TRAPPC14: variants seen among roughly 807,000 people sequenced by gnomAD.
TRAPPC14 encodes microtubule associated protein 11.
A neutral mutation model predicts 56.6 loss-of-function variants in TRAPPC14; 24 were observed. The ratio of observed to expected loss-of-function variants is 0.42; its 90% confidence interval spans 0.31 to 0.60. The LOEUF (loss-of-function observed/expected upper bound fraction) is 0.60, where lower values mean the gene tolerates loss of function less well. Among genes scored for constraint, TRAPPC14 ranks in the 20% least tolerant of loss-of-function variants. The probability of loss-of-function intolerance (pLI) is 0.14; values close to 1 mark genes in which losing one functional copy is unlikely to be tolerated. For synonymous variants in TRAPPC14, 377 were observed against 347.0 expected, an observed-to-expected ratio of 1.09 and a Z score of -0.96; for missense variants, 615 against 790.3, an observed-to-expected ratio of 0.78 and a Z score of 2.66.
Position 100,155,377 on chromosome 7 carries a change from G to A in TRAPPC14, c.1474C>T (p.Arg492Cys), listed in dbSNP as rs973059328. The change falls in exon 10 of 11, where the codon CGC (arginine) becomes TGC (cysteine). Residue 492 changes from arginine to cysteine, a missense_variant. Arg to Cys is a radical substitution (Grantham distance 180, BLOSUM62 -3). Coordinates refer to ENST00000316937, the MANE Select transcript of TRAPPC14 (RefSeq NM_018275.5). The stretch of plus-strand genomic sequence containing the variant: ...GCAGGGCTGCTGGGGCTGCTCTTGC[G>A]GGAGAGGGGCCGGGCCTCGGGTGGA... The part of the protein sequence containing the change: ...HPPPEARPLS[R>C]KSSPSSPAVR... 25 of 1,549,688 alleles carry A rather than the reference G, an allele frequency of 1.6e-5. No homozygotes were observed. Among genetic ancestry groups the A allele is most frequent in the Non-Finnish European group, 2.1e-5 (24 of 1,146,882 alleles).
chr7:100,155,619 A>C, intron 9 of TRAPPC14, 52 bp downstream of exon 9: 1 of 1,533,166 alleles, frequency 6.5e-7, no homozygotes, highest in South Asian at 1.3e-5. Context: ...GCCTCCGTCC[A>C]CCCCAGCATT....
chr7:100,155,882 C>T, intron 8 of TRAPPC14, 57 bp from the exon 9 acceptor site: 1 of 1,606,328 alleles, frequency 6.2e-7, no homozygotes. Flanking sequence ...CCCACAGGGC[C>T]TTCGCCAGCA....
At position 100,156,537 on chromosome 7, in the gene TRAPPC14, G is replaced by A; in HGVS notation, c.1089C>T (p.Val363=). 1 of 1,614,170 alleles carries A rather than the reference G, an allele frequency of 6.2e-7. No individual in the cohort carries two copies. The highest frequency in any genetic ancestry group is 8.5e-7 in the Non-Finnish European group (1 of 1,180,022). ...TCACAAAACACGGGCGGTCCAAGCGGACACTGGGCAGGCTAGGAGTGGTGA... is the reference window on the plus strand; with the variant it reads ...TCACAAAACACGGGCGGTCCAAGCGAACACTGGGCAGGCTAGGAGTGGTGA... ...SIYTHYRLPS[V]RLDRPCFVMT... is the part of the protein sequence containing the mutation. The change falls in exon 8 of 11, where the codon GTC becomes GTT. Residue 363 remains valine, a synonymous_variant. Coordinates refer to ENST00000316937, the MANE Select transcript of TRAPPC14 (RefSeq NM_018275.5).
In TRAPPC14 at chr7:100,154,525, G is replaced by C. The variant is rs1798829067; in HGVS notation, c.*486C>G. 1 of 186,932 alleles carries C rather than the reference G, an allele frequency of 5.3e-6. No homozygotes were observed. The highest frequency in any genetic ancestry group is 1.1e-5 in the Non-Finnish European group (1 of 88,500). 11.6% of individuals were successfully genotyped at this position (186,932 alleles called of 1,614,324 possible). ...AAAAAAAAAAAATTAAAGTGCTTCA[G>C]GCTGCAAACGTAAACATAAGGGGCA... On this transcript the variant is annotated 3_prime_UTR_variant, in exon 11 of 11. Transcript: ENST00000316937.
chr7:100,156,910 G>T lies in TRAPPC14; in HGVS notation c.928C>A (p.Leu310Met). The T allele has an allele frequency of 6.2e-7, 1 of 1,614,122 alleles. No homozygotes were observed. The highest frequency in any genetic ancestry group is 8.5e-7 in the Non-Finnish European group (1 of 1,180,042). ...TGAAACAGGAAGTTGTGTTCCTCCAGGGCATTCAGCGGGCAGGGGAAGCAG... is the reference window on the plus strand; with the variant it reads ...TGAAACAGGAAGTTGTGTTCCTCCATGGCATTCAGCGGGCAGGGGAAGCAG... ...SGCFPCPLNA[L>M]EEHNFLFQLR... is the part of the protein sequence containing the mutation. The change falls in exon 6 of 11, where the codon CTG (leucine) becomes ATG (methionine). Residue 310 changes from leucine to methionine, a missense_variant. Leu to Met is a conservative substitution (Grantham distance 15, BLOSUM62 2). Transcript: ENST00000316937.
chr7:100,155,216 C>T, intron 10 of TRAPPC14, 46 bp downstream of exon 10: 3 of 1,601,648 alleles, frequency 1.9e-6, no homozygotes, highest in Admixed American at 1.7e-5. Flanking sequence ...ACCCTCGCTG[C>T]TCCCATCCTC....
rs1798869678 is a variant in TRAPPC14, at chr7:100,155,921, T to C, written c.1241-96A>G. On this transcript the variant is annotated intron_variant, in intron 8 of 10. Transcript: ENST00000316937. ...TCTCATCTGATTCTCAAAGCCACTC[T>C]GTGGAGTAAACTGAGCAAACGTTAT... 11 of 1,493,588 alleles carry C rather than the reference T, an allele frequency of 7.4e-6. No homozygotes were observed. In the East Asian group the frequency reaches 2.3e-4, roughly 31 times the overall value. The allele number at this position is 1,493,588 out of a possible 1,614,324, so 92.5% of individuals were successfully genotyped here.
rs913455933 is a variant in TRAPPC14, at chr7:100,154,556, C to G, written c.*455G>C. 7 of 202,782 alleles carry G rather than the reference C, an allele frequency of 3.5e-5. No individual in the cohort carries two copies. Among genetic ancestry groups the G allele is most frequent in the African/African-American group, 1.4e-4 (6 of 42,226 alleles). The allele number at this position is 202,782 out of a possible 1,614,324, so 12.6% of individuals were successfully genotyped here. ...AAACGTAAACATAAGGGGCAGGAGG[C>G]TACCTGGCCCTGTCCCCAACCCCTG... On this transcript the variant is annotated 3_prime_UTR_variant, in exon 11 of 11. Coordinates refer to ENST00000316937, the MANE Select transcript of TRAPPC14 (RefSeq NM_018275.5).
At chr7:100,156,788 CT>C in intron 6 of TRAPPC14, 56 bp downstream of exon 6, 1 of 1,604,366 alleles carries the variant, frequency 6.2e-7, no homozygotes. Context: ...GCTGCCTGGT[CT>C]TTCCCTCCCA....
Position 100,157,620 on chromosome 7 carries a change from C to A in TRAPPC14, c.637+13G>T. ...CAGACTCTAGCCCTTTGCCTCTGCG[C>A]TGCCCTGCCCACCTTGGGCCTTGAA... On this transcript the variant is annotated intron_variant, in intron 3 of 10. Transcript: ENST00000316937. The A allele has an allele frequency of 3.1e-6, 5 of 1,613,790 alleles. No individual in the cohort carries two copies. The South Asian group carries it at 5.5e-5, about 18-fold the overall frequency.
Position 100,156,674 on chromosome 7 carries a change from G to T in TRAPPC14, c.1036C>A (p.Pro346Thr), listed in dbSNP as rs768662210. The T allele has an allele frequency of 6.2e-7, 1 of 1,609,728 alleles. No individual in the cohort carries two copies. Among genetic ancestry groups the T allele is most frequent in the South Asian group, 1.1e-5 (1 of 90,522 alleles). Residue 346 changes from proline (P) to threonine (T), a missense_variant, in exon 7 of 11, where the codon CCA (proline) becomes ACA (threonine). Transcript: ENST00000316937. Reference protein sequence around the residue: ...PLIAVVQWSTPKLPFTQSIYT... With the variant: ...PLIAVVQWSTTKLPFTQSIYT... ...ATGCTCTGAGTGAAGGGCAGCTTTG[G>T]GGTAGACCACTGAACCACAGCAATC...
In TRAPPC14 at chr7:100,158,531, G is replaced by T. The variant is rs970705278; in HGVS notation, c.-32C>A. 2 of 1,303,942 alleles carry T rather than the reference G, an allele frequency of 1.5e-6. No homozygotes were observed. Among genetic ancestry groups the T allele is most frequent in the East Asian group, 6.3e-5 (2 of 31,904 alleles). 80.8% of individuals were successfully genotyped at this position (1,303,942 alleles called of 1,614,324 possible). A position where few individuals can be genotyped will look rare whatever the true frequency, so the allele number is the denominator to read the frequency against. On this transcript the variant is annotated 5_prime_UTR_variant, in exon 1 of 11. Coordinates refer to ENST00000316937, the MANE Select transcript of TRAPPC14 (RefSeq NM_018275.5). ...GCGAGGACGGCGCGACTGGGAGCCC[G>T]GACCGGAGGCCGACCGCCGGCGGGG...
In TRAPPC14 at chr7:100,156,535, C is replaced by T. The variant is rs751542273; in HGVS notation, c.1091G>A (p.Arg364His). 26 of 1,614,056 alleles carry T rather than the reference C, an allele frequency of 1.6e-5. No individual in the cohort carries two copies. In the South Asian group the frequency reaches 1.6e-4, roughly 10 times the overall value. The change falls in exon 8 of 11, where the codon CGC becomes CAC. Residue 364 changes from arginine (R) to histidine (H), a missense_variant. Arg to His is a conservative substitution (Grantham distance 29, BLOSUM62 0). Transcript: ENST00000316937. ...CATCACAAAACACGGGCGGTCCAAG[C>T]GGACACTGGGCAGGCTAGGAGTGGT... ...IYTHYRLPSVRLDRPCFVMTA... is the reference protein window; with the variant it reads ...IYTHYRLPSVHLDRPCFVMTA...
At chr7:100,155,648 A>G in intron 9 of TRAPPC14, 23 bp downstream of exon 9, 1 of 1,574,572 alleles carries the variant, frequency 6.4e-7, no homozygotes, top group Non-Finnish European at 8.6e-7. Flanking sequence ...CTCAGCACTC[A>G]GCCCAGACCC....
rs563690095 is a variant in TRAPPC14 at position 100,158,675 on chromosome 7, G to A, written c.-176C>T. 394 of 537,542 alleles carry A rather than the reference G, an allele frequency of 7.3e-4. 2 individuals are homozygous for A. Among genetic ancestry groups the A allele is most frequent in the African/African-American group, 7.0e-3 (357 of 51,044 alleles). The allele number at this position is 537,542 out of a possible 1,614,324, so 33.3% of individuals were successfully genotyped here. A position where few individuals can be genotyped will look rare whatever the true frequency, so the allele number is the denominator to read the frequency against. On this transcript the variant is annotated 5_prime_UTR_variant, in exon 1 of 11. Coordinates refer to ENST00000316937, the MANE Select transcript of TRAPPC14 (RefSeq NM_018275.5). Reference sequence around the variant, plus strand: ...AACGAACCCGAACCGAGACCCGGCAGCGCCGGAACCGGGGTACTGAGCCGA... The same window carrying A: ...AACGAACCCGAACCGAGACCCGGCAACGCCGGAACCGGGGTACTGAGCCGA...
chr7:100,155,278 G>A lies in TRAPPC14; in HGVS notation c.1573C>T (p.Arg525Ter). The A allele has an allele frequency of 1.3e-6, 2 of 1,566,470 alleles. No individual in the cohort carries two copies. Among genetic ancestry groups the A allele is most frequent in the Non-Finnish European group, 1.7e-6 (2 of 1,156,166 alleles). Residue 525 changes from arginine (R) to a stop codon, truncating the protein, a stop_gained, in exon 10 of 11, where the codon CGA becomes TGA. Transcript: ENST00000316937. LOFTEE classifies it high-confidence loss of function. Reference protein sequence around the residue: ...SQSFSHQQPSRSHLMRSGSVM... With the variant: ...SQSFSHQQPS ...GTTCTGTACCTCATGAGGTGGCTTC[G>A]GGAAGGCTGCTGGTGGGAGAAGGAC...
Position 100,158,701 on chromosome 7 carries a change from A to G in TRAPPC14, c.-202T>C, listed in dbSNP as rs903567161. On this transcript the variant is annotated 5_prime_UTR_variant, in exon 1 of 11. Transcript: ENST00000316937. Reference sequence around the variant, plus strand: ...CGCCGGAACCGGGGTACTGAGCCGAATGACTGGAGAGAAACAGGAAGCGGA... The same window carrying G: ...CGCCGGAACCGGGGTACTGAGCCGAGTGACTGGAGAGAAACAGGAAGCGGA... 4 of 434,608 alleles carry G rather than the reference A, an allele frequency of 9.2e-6. 1 individual carries two copies. Among genetic ancestry groups the G allele is most frequent in the African/African-American group, 6.1e-5 (3 of 49,022 alleles). The allele number at this position is 434,608 out of a possible 1,614,324, so 26.9% of individuals were successfully genotyped here.
chr7:100,156,626 A>G lies in TRAPPC14; in HGVS notation c.1076+8T>C. On this transcript the variant is annotated splice_region_variant and intron_variant, in intron 7 of 10. Transcript: ENST00000316937. ...GAACGCCACGATTCCTCCAGGATCCACACTCACCGGTAGTGGGTGTAGATG... is the reference window on the plus strand; with the variant it reads ...GAACGCCACGATTCCTCCAGGATCCGCACTCACCGGTAGTGGGTGTAGATG... 2 of 1,611,736 alleles carry G rather than the reference A, an allele frequency of 1.2e-6. No individual in the cohort carries two copies. The highest frequency in any genetic ancestry group is 1.7e-4 in the Middle Eastern group (1 of 6,054).
At chr7:100,156,808 T>C (rs958378902) in intron 6 of TRAPPC14, 37 bp downstream of exon 6, 9 of 1,610,042 alleles carry the variant, frequency 5.6e-6, no homozygotes, top group Non-Finnish European at 6.8e-6. Context: ...CACTGCCTTA[T>C]CACTTTTCTT....
Sources: allele counts gnomAD v4.1 joint callset, GRCh38; gene constraint gnomAD v4.1.1; transcripts MANE v1.5; gene names NCBI Gene and HGNC (gene_info 2026-07-23, HGNC 2026-07-21).